Variants in IGSF21 observed in about 807,000 individuals in gnomAD.
IGSF21 encodes immunoglobulin superfamily member 21.
IGSF21 carries 28 observed loss-of-function variants against 46.8 expected under a neutral mutation model. The ratio of observed to expected loss-of-function variants is 0.60; its 90% CI spans 0.44 to 0.82. The LOEUF is 0.82. Among genes scored for constraint, IGSF21 ranks in the 40% least tolerant of loss-of-function variants. The pLI is 0.00. For missense variants in IGSF21, 624 were observed against 665.5 expected, an observed-to-expected ratio of 0.94 and a Z score of 0.69; for synonymous variants, 284 against 273.6, an observed-to-expected ratio of 1.04 and a Z score of -0.38.
At chr1:18,172,855 C>A (rs1289003299) in intron 1 of IGSF21, among the ~76,000 whole-genome samples, 2 of 152,216 alleles carry the variant, frequency 1.3e-5, no homozygotes, top group African/African-American at 2.4e-5. Context: ...AGGCTTTGAA[C>A]AGAAGTCTGC....
intron 3 of IGSF21, among the ~76,000 whole-genome samples, chr1:18,313,100 G>A (rs1000441001): frequency 6.6e-6 from 1 of 152,142 alleles, no homozygotes; most frequent in Non-Finnish European, 1.5e-5. Flanking sequence ...TTGTTGGACC[G>A]AGCAGACCCG....
At chr1:18,202,849 G>A (rs2087090502) in intron 1 of IGSF21, among the ~76,000 whole-genome samples, 1 of 152,174 alleles carries the variant, frequency 6.6e-6, no homozygotes, top group Non-Finnish European at 1.5e-5. Flanking sequence ...TGTGGGAATG[G>A]ACAAACACCA....
chr1:18,216,425 A>T (rs1486873284), intron 1 of IGSF21, among the ~76,000 whole-genome samples: 1 of 152,294 alleles, frequency 6.6e-6, no homozygotes, highest in South Asian at 2.1e-4. Context: ...GGCATTAACC[A>T]GAGAGGTGGC....
chr1:18,313,131 G>T (rs972651272), intron 3 of IGSF21, among the ~76,000 whole-genome samples: 3 of 152,166 alleles, frequency 2.0e-5, no homozygotes, highest in African/African-American at 7.2e-5. Context: ...TGCATGACCG[G>T]TGAGGACAGG....
chr1:18,156,012 C>T (rs2086565365), intron 1 of IGSF21, among the ~76,000 whole-genome samples: 1 of 152,226 alleles, frequency 6.6e-6, no homozygotes, highest in Admixed American at 6.5e-5. Flanking sequence ...TGCCACCGGC[C>T]TGGCAGCCTG....
At chr1:18,333,519 T>C (rs1181890983) in intron 3 of IGSF21, among the ~76,000 whole-genome samples, 1 of 152,216 alleles carries the variant, frequency 6.6e-6, no homozygotes, top group Non-Finnish European at 1.5e-5. Flanking sequence ...TTGCATTTAA[T>C]CTTCACTGCA....
At chr1:18,272,876 A>C (rs1433307886) in intron 2 of IGSF21, among the ~76,000 whole-genome samples, 2 of 152,024 alleles carry the variant, frequency 1.3e-5, no homozygotes, top group African/African-American at 4.8e-5. Flanking sequence ...GATGACAGAG[A>C]TATGTGGGAG....
At chr1:18,247,739 T>A (rs1270525932) in intron 2 of IGSF21, among the ~76,000 whole-genome samples, 2 of 152,088 alleles carry the variant, frequency 1.3e-5, no homozygotes, top group African/African-American at 4.8e-5. Context: ...GTCTAAACAC[T>A]TACATATATC....
chr1:18,365,119 C>A lies in IGSF21; in HGVS notation c.541-104C>A. 1.2e-6 allele frequency: 1 copy of A among 842,656 alleles called. No individual in the cohort carries two copies. Among genetic ancestry groups the A allele is most frequent in the Non-Finnish European group, 1.9e-6 (1 of 516,696 alleles). 52.2% of individuals were successfully genotyped at this position (842,656 alleles called of 1,614,324 possible). ...GAGGGCTACTGTCTAGACTACTATGCTCTGGAAGAACTGGCATCCTGTGCC... is the reference window on the plus strand; with the variant it reads ...GAGGGCTACTGTCTAGACTACTATGATCTGGAAGAACTGGCATCCTGTGCC... On this transcript the variant is annotated intron_variant, in intron 5 of 9. Coordinates refer to ENST00000251296, the MANE Select transcript of IGSF21 (RefSeq NM_032880.5). The surrounding 1 kb of genome is among the most constrained non-coding windows in gnomAD (Gnocchi z 4.8).
rs570967880 is a variant in IGSF21, at chr1:18,215,556, C to T, written c.71-12342C>T. 7.2e-5 allele frequency among the ~76,000 whole-genome samples: 11 copies of T among 152,238 alleles called. No homozygotes were observed. In the South Asian group the frequency reaches 1.0e-3, roughly 14 times the overall value. ...GACATCTAAGCTAAGACCTGAAGGACATAGCGAAGTGATGGGGGCAAAGTG... is the reference window on the plus strand; with the variant it reads ...GACATCTAAGCTAAGACCTGAAGGATATAGCGAAGTGATGGGGGCAAAGTG... On this transcript the variant is annotated intron_variant, in intron 1 of 9. Coordinates refer to ENST00000251296, the MANE Select transcript of IGSF21 (RefSeq NM_032880.5).
intron 2 of IGSF21, among the ~76,000 whole-genome samples, chr1:18,232,982 T>C (rs900525127): frequency 7.2e-5 from 11 of 152,166 alleles, no homozygotes; most frequent in Admixed American, 3.9e-4. Context: ...TCTGAACTCA[T>C]TTGGTTGGAG....
chr1:18,359,671 T>G (rs566531389), intron 4 of IGSF21, among the ~76,000 whole-genome samples: 124 of 152,284 alleles, frequency 8.1e-4, no homozygotes, highest in African/African-American at 2.8e-3. Context: ...TCACCTGCCA[T>G]CACGAGCCAT....
intron 2 of IGSF21, among the ~76,000 whole-genome samples, chr1:18,271,011 C>T (rs985935728): frequency 2.0e-5 from 3 of 152,114 alleles, no homozygotes; most frequent in African/African-American, 4.8e-5. Flanking sequence ...GCAGGGATGG[C>T]GTTGACTTTG....
intron 3 of IGSF21, among the ~76,000 whole-genome samples, chr1:18,326,583 T>TA (rs1285207229): frequency 1.3e-5 from 2 of 152,234 alleles, no homozygotes; most frequent in Non-Finnish European, 2.9e-5. Flanking sequence ...CAGAATGAGA[T>TA]ACTGTGTATA....
intron 1 of IGSF21, among the ~76,000 whole-genome samples, chr1:18,216,030 A>C (rs2084441959): frequency 6.6e-6 from 1 of 152,224 alleles, no homozygotes; most frequent in South Asian, 2.1e-4. Context: ...TGAGACAGAC[A>C]CACGAAGAAC....
At chr1:18,149,976 G>C (rs2086506921) in intron 1 of IGSF21, among the ~76,000 whole-genome samples, 1 of 152,164 alleles carries the variant, frequency 6.6e-6, no homozygotes, top group Admixed American at 6.5e-5. Context: ...TTTGGGGCCG[G>C]GGAGTGGTGG....
intron 3 of IGSF21, among the ~76,000 whole-genome samples, chr1:18,326,197 G>T (rs1314724920): frequency 6.6e-6 from 1 of 152,214 alleles, no homozygotes; most frequent in Non-Finnish European, 1.5e-5. Flanking sequence ...TGCAAATGTT[G>T]CCCCCATATC....
chr1:18,317,281 C>T (rs2085552811), intron 3 of IGSF21, among the ~76,000 whole-genome samples: 2 of 152,186 alleles, frequency 1.3e-5, no homozygotes, highest in Admixed American at 6.5e-5. Context: ...CCCATACTAC[C>T]ACCTCACTCC....
At chr1:18,301,805 C>T (rs558221663) in intron 3 of IGSF21, among the ~76,000 whole-genome samples, 49 of 152,282 alleles carry the variant, frequency 3.2e-4, no homozygotes, top group African/African-American at 1.0e-3. Flanking sequence ...CAGTCATCAC[C>T]TTAAAAAGAG....
Sources: allele counts gnomAD v4.1 joint callset (sites outside exome capture counted in the v4.1 genomes callset), GRCh38; gene constraint gnomAD v4.1.1; non-coding constraint Gnocchi (gnomAD v3.1); transcripts MANE v1.5; gene names NCBI Gene and HGNC (gene_info 2026-07-23, HGNC 2026-07-21).